The following PIK3C3 variants were observed in gnomAD, a reference collection of about 807,000 sequenced individuals.
PIK3C3 encodes the protein PI3-kinase type 3.
Under a neutral mutation model 126.1 loss-of-function variants are expected in PIK3C3, and 95 were observed. The observed-to-expected ratio is 0.75, with a 90% confidence interval of 0.64 to 0.89. The LOEUF (loss-of-function observed/expected upper bound fraction) is 0.89, where lower values mean the gene tolerates loss of function less well. Among genes scored for constraint, PIK3C3 ranks in the 40% least tolerant of loss-of-function variants. PIK3C3 has a pLI of 0.00. For missense variants in PIK3C3, 829 were observed against 1,063.2 expected (o/e 0.78, Z 3.06); for synonymous variants, 374 against 360.0 (o/e 1.04, Z -0.44).
chr18:41,995,801 G>A (rs1358479426), intron 7 of PIK3C3, 89 bp from the exon 8 acceptor site: 3 of 833,380 alleles, frequency 3.6e-6, no homozygotes, highest in Non-Finnish European at 6.0e-6. Context: ...ATTATTAAAT[G>A]CTCCTAAGTA....
At chr18:41,971,878 G>C (rs1024452869) in intron 4 of PIK3C3, among the ~76,000 whole-genome samples, 1 of 152,118 alleles carries the variant, frequency 6.6e-6, no homozygotes, top group South Asian at 2.1e-4. Context: ...GAAATATAAA[G>C]CTTTATAGTT....
chr18:42,041,533 A>C (rs1467267029), intron 19 of PIK3C3, among the ~76,000 whole-genome samples: 2 of 147,990 alleles, frequency 1.4e-5, no homozygotes, highest in African/African-American at 5.0e-5. Context: ...TTCTTATAAC[A>C]TGTTAATGGT....
At chr18:42,046,307 T>C (rs1447000709) in intron 20 of PIK3C3, among the ~76,000 whole-genome samples, 2 of 152,178 alleles carry the variant, frequency 1.3e-5, no homozygotes, top group Non-Finnish European at 2.9e-5. Context: ...AAATAATGTT[T>C]TAATGTTTTT....
At chr18:42,030,678 A>G (rs1037061728) in intron 15 of PIK3C3, among the ~76,000 whole-genome samples, 1 of 152,204 alleles carries the variant, frequency 6.6e-6, no homozygotes. Context: ...GAGAAGAATC[A>G]CAAACCTTGG....
intron 7 of PIK3C3, among the ~76,000 whole-genome samples, chr18:41,994,042 C>T (rs1265208402): frequency 1.3e-5 from 2 of 152,060 alleles, no homozygotes; most frequent in African/African-American, 4.8e-5. Flanking sequence ...TAATTTTATA[C>T]ATTTCTAATT....
chr18:42,000,879 A>T (rs1982255884), intron 9 of PIK3C3, among the ~76,000 whole-genome samples: 1 of 152,150 alleles, frequency 6.6e-6, no homozygotes, highest in Non-Finnish European at 1.5e-5. Flanking sequence ...TCCCTCTCAT[A>T]ACACGTGGGA....
intron 13 of PIK3C3, among the ~76,000 whole-genome samples, chr18:42,024,333 C>G (rs878896473): frequency 3.3e-5 from 5 of 152,076 alleles, no homozygotes; most frequent in Admixed American, 3.3e-4. Flanking sequence ...AAATCTAGGT[C>G]TTCTAGTCTT....
intron 2 of PIK3C3, among the ~76,000 whole-genome samples, chr18:41,958,286 G>T (rs1979895062): frequency 6.6e-6 from 1 of 152,120 alleles, no homozygotes; most frequent in South Asian, 2.1e-4. Context: ...TGAAGTTCCT[G>T]TTTTTTTCAG....
At chr18:42,074,370 A>G (rs1464690263) in intron 24 of PIK3C3, among the ~76,000 whole-genome samples, 1 of 152,086 alleles carries the variant, frequency 6.6e-6, no homozygotes, top group Non-Finnish European at 1.5e-5. Flanking sequence ...CCTTACTCCC[A>G]GACTTGTAGT....
At chr18:42,027,152 T>A (rs1481127899) in intron 13 of PIK3C3, 1 of 202,120 alleles carries the variant, frequency 4.9e-6, no homozygotes, top group Non-Finnish European at 1.0e-5. Flanking sequence ...ATGTTAATAC[T>A]CTACCTCATA....
intron 4 of PIK3C3, among the ~76,000 whole-genome samples, chr18:41,980,700 A>G (rs1165444641): frequency 1.3e-5 from 2 of 152,114 alleles, no homozygotes; most frequent in African/African-American, 4.8e-5. Context: ...ACCATTTGTA[A>G]TAATGACTAT....
chr18:42,076,192 G>GTA (rs1188988645), intron 24 of PIK3C3, among the ~76,000 whole-genome samples: 1 of 71,410 alleles, frequency 1.4e-5, no homozygotes, highest in African/African-American at 9.2e-5. Flanking sequence ...ATATATATAT[G>GTA]CACACATATA....
intron 4 of PIK3C3, among the ~76,000 whole-genome samples, chr18:41,971,856 G>A (rs1006087637): frequency 6.6e-6 from 1 of 152,012 alleles, no homozygotes; most frequent in Non-Finnish European, 1.5e-5. Context: ...GAGGGGGAAT[G>A]GCCAGAGTCA....
intron 21 of PIK3C3, chr18:42,051,046 C>T (rs534214723): frequency 6.6e-6 from 1 of 152,320 alleles, no homozygotes; most frequent in East Asian, 1.9e-4. Context: ...CTGAAGTTAC[C>T]TTTTTTGTTT....
At chr18:42,053,700 C>A (rs1453039597) in intron 21 of PIK3C3, among the ~76,000 whole-genome samples, 2 of 151,942 alleles carry the variant, frequency 1.3e-5, no homozygotes, top group African/African-American at 4.8e-5. Context: ...TGAGTTTATC[C>A]CAGCTCTTTG....
intron 9 of PIK3C3, among the ~76,000 whole-genome samples, chr18:41,998,583 T>TA (rs1982136466): frequency 6.6e-6 from 1 of 152,148 alleles, no homozygotes; most frequent in Non-Finnish European, 1.5e-5. Context: ...GCAAAAGAAA[T>TA]AAAATGTTCA....
chr18:42,087,417 T>G lies in PIK3C3; in HGVS notation c.*6280T>G, dbSNP rs530468184. On this transcript the variant is annotated 3_prime_UTR_variant, in exon 25 of 25. Coordinates refer to ENST00000262039, the MANE Select transcript of PIK3C3 (RefSeq NM_002647.4). ...AATCTTATGCAAATGGGCTTTCCAG[T>G]TGATTGGGTCCATCTTGTGTAACAC... 1 of 152,302 alleles carries G rather than the reference T, an allele frequency of 6.6e-6. No homozygotes were observed. Among genetic ancestry groups the G allele is most frequent in the South Asian group, 2.1e-4 (1 of 4,820 alleles). The allele number at this position is 152,302 out of a possible 1,614,324, so 9.4% of individuals were successfully genotyped here. A position where few individuals can be genotyped will look rare whatever the true frequency, so the allele number is the denominator to read the frequency against.
At chr18:42,058,186 T>C (rs1985158502) in intron 22 of PIK3C3, 135 bp downstream of exon 22, 2 of 634,238 alleles carry the variant, frequency 3.2e-6, no homozygotes, top group South Asian at 3.4e-5. Context: ...ATATTTCCTA[T>C]CTTACATTTA....
chr18:42,034,112 A>G (rs1983944818), intron 16 of PIK3C3, among the ~76,000 whole-genome samples, 155 bp downstream of exon 16: 1 of 152,196 alleles, frequency 6.6e-6, no homozygotes, highest in Admixed American at 6.5e-5. Flanking sequence ...TTTATTTATC[A>G]GTGTGTTTTG....
Sources: gnomAD v4.1 joint callset for allele counts (sites outside exome capture counted in the v4.1 genomes callset) on GRCh38, gnomAD v4.1.1 for gene constraint, MANE v1.5 for transcripts, NCBI Gene and HGNC (gene_info 2026-07-23, HGNC 2026-07-21) for gene names.